Variants in LRPPRC observed in about 807,000 individuals in gnomAD.
LRPPRC encodes leucine-rich PPR motif-containing protein, mitochondrial.
In LRPPRC, 120 loss-of-function variants were observed where a neutral mutation model predicts 180.3. That is an observed-to-expected ratio of 0.67 (90% CI 0.57 to 0.77). The LOEUF is 0.77. LRPPRC is among the 30% of genes least tolerant of loss of function. The pLI, the probability that LRPPRC is intolerant of heterozygous loss-of-function variation, is 0.00. For missense variants in LRPPRC, 2,012 were observed against 1,657.2 expected, an observed-to-expected ratio of 1.21 and a Z score of -3.72; for synonymous variants, 723 against 600.0, an observed-to-expected ratio of 1.21 and a Z score of -3.00.
Position 43,932,123 on chromosome 2 carries a change from C to CAAAAAAAAAAAAAAAA in LRPPRC, c.2736+2051_2736+2066dup, listed in dbSNP as rs746600862. Reference sequence around the variant, plus strand: ...TGGCTAACAAAGCAAGACCCTGTCTCAAAAAAAAAAAAAAAAAAAAAAAAA... The same window carrying CAAAAAAAAAAAAAAAA: ...TGGCTAACAAAGCAAGACCCTGTCTCAAAAAAAAAAAAAAAAAAAAAAAAAAAAAAAAAAAAAAAAA... On this transcript the variant is annotated intron_variant, in intron 25 of 37. Transcript: ENST00000260665. Among the ~76,000 whole-genome samples, 11 of 20,856 alleles carry CAAAAAAAAAAAAAAAA rather than the reference C, an allele frequency of 5.3e-4. 2 individuals carry two copies. Among genetic ancestry groups the CAAAAAAAAAAAAAAAA allele is most frequent in the African/African-American group, 1.1e-3 (6 of 5,306 alleles). The allele number at this position is 20,856 out of a possible 152,430, so 13.7% of individuals were successfully genotyped here. A position where few individuals can be genotyped will look rare whatever the true frequency, so the allele number is the denominator to read the frequency against.
At chr2:43,958,162 C>T (rs1353511347) in intron 13 of LRPPRC, among the ~76,000 whole-genome samples, 1 of 152,174 alleles carries the variant, frequency 6.6e-6, no homozygotes, top group Non-Finnish European at 1.5e-5. Flanking sequence ...TAACCCTTGC[C>T]AAACTAGCAA....
At position 43,918,264 on chromosome 2, in the gene LRPPRC, C is replaced by T. The variant is rs1407566991; in HGVS notation, c.3031G>A (p.Val1011Ile). Residue 1011 changes from valine to isoleucine, a missense_variant, in exon 28 of 38, where the codon GTA (valine) becomes ATA (isoleucine). Physicochemically the swap from Val to Ile is conservative, Grantham distance 29 (BLOSUM62 3). Transcript: ENST00000260665. The stretch of plus-strand genomic sequence containing the variant: ...ATGCCAAAAACAATTACCTCAGGTA[C>T]GTCAAACGGAACTTCCTGGTTACCC... ...REGNQEVPFD[V>I]PELWYEDEKH... is the part of the protein sequence containing the mutation. 14 of 1,612,996 alleles carry T rather than the reference C, an allele frequency of 8.7e-6. No homozygotes were observed. The highest frequency in any genetic ancestry group is 1.6e-4 in the Middle Eastern group (1 of 6,080).
chr2:43,959,497 T>C (rs1337455498), intron 13 of LRPPRC, among the ~76,000 whole-genome samples: 1 of 152,232 alleles, frequency 6.6e-6, no homozygotes, highest in Non-Finnish European at 1.5e-5. Context: ...ATTAATTATG[T>C]CTGTGTTTTG....
At chr2:43,896,122 T>C (rs1670670866) in intron 35 of LRPPRC, 1 of 155,072 alleles carries the variant, frequency 6.4e-6, no homozygotes, top group Admixed American at 6.3e-5. Flanking sequence ...CACTCTGGAG[T>C]GTACATTTTC....
At position 43,958,907 on chromosome 2, in the gene LRPPRC, G is replaced by C. The variant is rs1559012662; in HGVS notation, c.1583-1456C>G. ...AGCTCAAATACTTGGCAAACTTCTT[G>C]GCATTTTTCTTTTTTAAATCTAATA... On this transcript the variant is annotated intron_variant, in intron 13 of 37. Transcript: ENST00000260665. The C allele has an allele frequency of 1.4e-5, 4 of 291,514 alleles. No homozygotes were observed. In the East Asian group the frequency reaches 1.8e-4, roughly 13 times the overall value. 18.1% of individuals were successfully genotyped at this position (291,514 alleles called of 1,614,324 possible).
At chr2:43,932,480 A>G in intron 25 of LRPPRC, among the ~76,000 whole-genome samples, 1 of 152,184 alleles carries the variant, frequency 6.6e-6, no homozygotes, top group Non-Finnish European at 1.5e-5. Context: ...GTACACACCT[A>G]CTACGAAAAT....
intron 11 of LRPPRC, among the ~76,000 whole-genome samples, chr2:43,968,587 T>C (rs370780573): frequency 3.5e-4 from 53 of 152,332 alleles, no homozygotes; most frequent in African/African-American, 1.2e-3. Flanking sequence ...TAAAGAAAGC[T>C]GAAATGCCTT....
At chr2:43,989,665 C>T (rs1001124178) in intron 1 of LRPPRC, among the ~76,000 whole-genome samples, 6 of 152,132 alleles carry the variant, frequency 3.9e-5, no homozygotes, top group African/African-American at 1.2e-4. Context: ...CATTCTGCAC[C>T]CAATGATAAC....
chr2:43,975,971 T>C (rs908933038), intron 6 of LRPPRC, among the ~76,000 whole-genome samples, 172 bp downstream of exon 6: 1 of 152,224 alleles, frequency 6.6e-6, no homozygotes, highest in African/African-American at 2.4e-5. Context: ...ATGCTCTACC[T>C]CATATACTAC....
chr2:43,901,371 C>T lies in LRPPRC; in HGVS notation c.3518G>A (p.Gly1173Glu). The T allele has an allele frequency of 6.2e-7, 1 of 1,613,912 alleles. No homozygotes were observed. Among genetic ancestry groups the T allele is most frequent in the South Asian group, 1.1e-5 (1 of 91,074 alleles). The change falls in exon 32 of 38, where the codon GGA (glycine) becomes GAA (glutamate). Residue 1173 changes from glycine (G) to glutamate (E), a missense_variant. By Grantham distance (98) the Gly-to-Glu change is moderately conservative. Coordinates refer to ENST00000260665, the MANE Select transcript of LRPPRC (RefSeq NM_133259.4). ...ATTGATGAAAACCATTTTTGAAAGT[C>T]CAATGGAGTCTTCGAGTCCATTTAA... is the stretch of plus-strand genomic sequence containing the variant. ...KMLNGLEDSI[G>E]LSKMVFINNI... is the part of the protein sequence containing the mutation.
intron 1 of LRPPRC, among the ~76,000 whole-genome samples, chr2:43,985,310 C>A (rs553187840): frequency 1.3e-5 from 2 of 152,242 alleles, no homozygotes; most frequent in East Asian, 3.9e-4. Context: ...AGTGTAGTAT[C>A]TTTGTTACAA....
At chr2:43,938,300 G>A (rs1672348262) in intron 23 of LRPPRC, among the ~76,000 whole-genome samples, 2 of 151,966 alleles carry the variant, frequency 1.3e-5, no homozygotes, top group Admixed American at 1.3e-4. Context: ...GCAGTATTTT[G>A]TTTGGTGCAA....
At position 43,979,898 on chromosome 2, in the gene LRPPRC, G is replaced by A. The variant is rs763030814; in HGVS notation, c.397C>T (p.Leu133Phe). Reference sequence around the variant, plus strand: ...TCTTCAAGCTTTAGTTCAGGCAAGAGAGAACCACAACTACGTAGTAGAAGC... The same window carrying A: ...TCTTCAAGCTTTAGTTCAGGCAAGAAAGAACCACAACTACGTAGTAGAAGC... The part of the protein sequence containing the change: ...ALLLLRSCGS[L>F]LPELKLEERT... Residue 133 changes from leucine to phenylalanine, a missense_variant, in exon 3 of 38, where the codon CTC (leucine) becomes TTC (phenylalanine). Physicochemically the swap from Leu to Phe is conservative, Grantham distance 22. Coordinates refer to ENST00000260665, the MANE Select transcript of LRPPRC (RefSeq NM_133259.4). 4 of 1,613,798 alleles carry A rather than the reference G, an allele frequency of 2.5e-6. No homozygotes were observed. Among genetic ancestry groups the A allele is most frequent in the Non-Finnish European group, 3.4e-6 (4 of 1,179,768 alleles).
At chr2:43,966,700 G>A (rs897953687) in intron 11 of LRPPRC, among the ~76,000 whole-genome samples, 1 of 149,638 alleles carries the variant, frequency 6.7e-6, no homozygotes, top group Non-Finnish European at 1.5e-5. Flanking sequence ...GAGCCACCAC[G>A]CCCGGCCAAT....
chr2:43,956,608 G>C (rs1673127750), intron 14 of LRPPRC, among the ~76,000 whole-genome samples: 1 of 152,020 alleles, frequency 6.6e-6, no homozygotes, highest in South Asian at 2.1e-4. Context: ...GTATTACAGA[G>C]GATGGGCACA....
intron 1 of LRPPRC, among the ~76,000 whole-genome samples, chr2:43,989,198 C>T (rs945645320): frequency 6.6e-6 from 1 of 152,216 alleles, no homozygotes; most frequent in African/African-American, 2.4e-5. Context: ...AATGAACTTT[C>T]TCCCTCTAAG....
intron 11 of LRPPRC, among the ~76,000 whole-genome samples, chr2:43,971,181 G>A (rs1376469118): frequency 1.3e-5 from 2 of 149,750 alleles, no homozygotes; most frequent in African/African-American, 2.5e-5. Flanking sequence ...CCTTCTTTAT[G>A]TATTTTATCC....
intron 12 of LRPPRC, among the ~76,000 whole-genome samples, chr2:43,961,456 A>G (rs1673343986): frequency 6.6e-6 from 1 of 152,204 alleles, no homozygotes; most frequent in East Asian, 1.9e-4. Flanking sequence ...CGATAATATG[A>G]ACAGTATACT....
At chr2:43,906,061 A>G (rs547942775) in intron 30 of LRPPRC, among the ~76,000 whole-genome samples, 1 of 152,340 alleles carries the variant, frequency 6.6e-6, no homozygotes, top group East Asian at 1.9e-4. Flanking sequence ...GAATGCTGAC[A>G]TATTAGATGA....
Sources: allele counts gnomAD v4.1 joint callset (sites outside exome capture counted in the v4.1 genomes callset), GRCh38; gene constraint gnomAD v4.1.1; transcripts MANE v1.5; gene names NCBI Gene and HGNC (gene_info 2026-07-23, HGNC 2026-07-21).